The following FOXN3 variants were observed in gnomAD, a reference collection of about 807,000 sequenced individuals.
The protein encoded by FOXN3 is forkhead box N3.
FOXN3 carries 7 observed loss-of-function variants against 38.4 expected under a neutral mutation model. The observed-to-expected ratio is 0.18, with a 90% CI of 0.10 to 0.34. FOXN3 has a LOEUF of 0.34. Ranked by LOEUF, FOXN3 falls within the 10% of genes least tolerant of loss-of-function variation. The probability of loss-of-function intolerance (pLI) is 1.00; values close to 1 mark genes in which losing one functional copy is unlikely to be tolerated. For missense variants in FOXN3, 456 were observed against 613.4 expected (o/e 0.74, Z 2.71); for synonymous variants, 230 against 242.2 (o/e 0.95, Z 0.47).
At chr14:89,377,312 A>AAAAAT (rs142467882) in intron 2 of FOXN3, among the ~76,000 whole-genome samples, 2 of 149,644 alleles carry the variant, frequency 1.3e-5, no homozygotes, top group Admixed American at 6.7e-5. Flanking sequence ...ATGCTGGTAA[A>AAAAAT]AAATAAATAA....
At chr14:89,303,004 A>G (rs1404488103) in intron 3 of FOXN3, among the ~76,000 whole-genome samples, 1 of 152,082 alleles carries the variant, frequency 6.6e-6, no homozygotes, top group Non-Finnish European at 1.5e-5. Context: ...ACTCCACTTT[A>G]ATTTGTGTAT....
At chr14:89,403,804 A>C (rs1474997279) in intron 2 of FOXN3, among the ~76,000 whole-genome samples, 1 of 152,214 alleles carries the variant, frequency 6.6e-6, no homozygotes, top group African/African-American at 2.4e-5. Context: ...CAGCAGCCTC[A>C]GACAGACCCC....
chr14:89,366,741 T>C (rs1371755301), intron 2 of FOXN3, among the ~76,000 whole-genome samples: 1 of 152,142 alleles, frequency 6.6e-6, no homozygotes, highest in Non-Finnish European at 1.5e-5. Context: ...ACCTCCACTT[T>C]CTTTAAGGTG....
At chr14:89,432,090 A>G (rs146729440) in intron 1 of FOXN3, among the ~76,000 whole-genome samples, 1 of 152,356 alleles carries the variant, frequency 6.6e-6, no homozygotes, top group Admixed American at 6.5e-5. Flanking sequence ...GGAAAATCAT[A>G]AAGAACATCG....
intron 5 of FOXN3, among the ~76,000 whole-genome samples, chr14:89,170,863 G>A (rs1887371404): frequency 6.6e-6 from 1 of 151,968 alleles, no homozygotes; most frequent in Admixed American, 6.6e-5. Flanking sequence ...AAAACCTATA[G>A]AATGTAATAA....
chr14:89,400,224 A>AC (rs2140086745), intron 2 of FOXN3: 1 of 152,286 alleles, frequency 6.6e-6, no homozygotes, highest in Admixed American at 6.5e-5. Flanking sequence ...TGCTGAATAT[A>AC]CCCCAAAATG....
In FOXN3 at chr14:89,161,756, C is replaced by T. The variant is rs1887111491; in HGVS notation, c.*658G>A. On this transcript the variant is annotated 3_prime_UTR_variant, in exon 6 of 6. Coordinates refer to ENST00000557258, the MANE Select transcript of FOXN3 (RefSeq NM_005197.4). ...CGATGCGCATGAACAGTCCAACGTC[C>T]ACCTCGTAAGATGTCATCGGGCTTC... 1 of 152,394 alleles carries T rather than the reference C, an allele frequency of 6.6e-6. No homozygotes were observed. Among genetic ancestry groups the T allele is most frequent in the South Asian group, 2.1e-4 (1 of 4,826 alleles). 9.4% of individuals were successfully genotyped at this position (152,394 alleles called of 1,614,324 possible).
chr14:89,352,404 GAAGAAAGCCAAAAGCT>G (rs1307688162), intron 2 of FOXN3, among the ~76,000 whole-genome samples: 14 of 152,326 alleles, frequency 9.2e-5, no homozygotes, highest in Non-Finnish European at 1.9e-4. Context: ...GAGCTGTGCA[GAAGAAAGCCAAAAGCT>G]AAGGAGTGGA....
chr14:89,297,162 AACT>A (rs1329779863), intron 3 of FOXN3, among the ~76,000 whole-genome samples: 1 of 152,340 alleles, frequency 6.6e-6, no homozygotes, highest in East Asian at 1.9e-4. Context: ...AAAGCTAAGT[AACT>A]ATATAAGACA....
intron 4 of FOXN3, among the ~76,000 whole-genome samples, chr14:89,260,818 A>G (rs900241560): frequency 6.6e-6 from 1 of 152,226 alleles, no homozygotes; most frequent in Non-Finnish European, 1.5e-5. Flanking sequence ...ACATTACCCT[A>G]ATGACATAAA....
chr14:89,248,423 T>G (rs990764482), intron 4 of FOXN3, among the ~76,000 whole-genome samples: 10 of 152,264 alleles, frequency 6.6e-5, no homozygotes, highest in Non-Finnish European at 1.5e-4. Context: ...GACTTCATTA[T>G]TAATACTCTC....
intron 4 of FOXN3, among the ~76,000 whole-genome samples, chr14:89,271,831 C>CA (rs1886157655): frequency 6.6e-6 from 1 of 152,176 alleles, no homozygotes; most frequent in Non-Finnish European, 1.5e-5. Context: ...CCCTAGTCTG[C>CA]AAAACACTGT....
intron 2 of FOXN3, among the ~76,000 whole-genome samples, chr14:89,393,386 T>G (rs1440507816): frequency 2.6e-5 from 4 of 152,220 alleles, no homozygotes; most frequent in African/African-American, 9.6e-5. Context: ...ATTATCTTTC[T>G]GAGGGATACA....
upstream of FOXN3, chr14:89,417,814 C>T (rs1011543947): frequency 3.6e-5 from 16 of 449,294 alleles, no homozygotes; most frequent in Non-Finnish European, 6.7e-5. Flanking sequence ...CCGCAGCGTC[C>T]CACCCAGGTG....
Position 89,252,956 on chromosome 14 carries a change from G to A in FOXN3, c.745+27994C>T, listed in dbSNP as rs114020800. ...GACTGCAGGAACCAAAGTGGGAAGC[G>A]CAGTCACTTTAGAGAAAGGAGACAA... On this transcript the variant is annotated intron_variant, in intron 4 of 5. Transcript: ENST00000557258. Among the ~76,000 whole-genome samples the A allele has an allele frequency of 7.6e-3, 1,156 of 152,254 alleles. 14 individuals are homozygous for A. Among genetic ancestry groups the A allele is most frequent in the African/African-American group, 0.026 (1,095 of 41,546 alleles).
intron 1 of FOXN3, among the ~76,000 whole-genome samples, chr14:89,455,996 C>A (rs1280437550): frequency 6.6e-6 from 1 of 151,612 alleles, no homozygotes; most frequent in Non-Finnish European, 1.5e-5. Context: ...GAGTTTGAGA[C>A]CAGCCTGACC....
At chr14:89,510,780 A>G (rs1894040753) in intron 1 of FOXN3, among the ~76,000 whole-genome samples, 1 of 152,140 alleles carries the variant, frequency 6.6e-6, no homozygotes, top group African/African-American at 2.4e-5. Context: ...CGGCCCTACT[A>G]AAAATACAAA....
chr14:89,407,992 G>A (rs751737651), intron 2 of FOXN3, among the ~76,000 whole-genome samples: 13 of 152,132 alleles, frequency 8.5e-5, no homozygotes, highest in Non-Finnish European at 1.3e-4. Flanking sequence ...GAAAATTTCC[G>A]TGATTCAAAA....
At position 89,302,842 on chromosome 14, in the gene FOXN3, C is replaced by T. The variant is rs1275234357; in HGVS notation, c.681-21828G>A. Among the ~76,000 whole-genome samples the T allele has an allele frequency of 2.0e-5, 3 of 152,194 alleles. No individual in the cohort carries two copies. The East Asian group carries it at 5.8e-4, about 29-fold the overall frequency. Reference sequence around the variant, plus strand: ...TGCCCACCTCCGCCCTCTTCAAAGGCATTGTTCAAAGGAGTCACAGGCCAC... The same window carrying T: ...TGCCCACCTCCGCCCTCTTCAAAGGTATTGTTCAAAGGAGTCACAGGCCAC... On this transcript the variant is annotated intron_variant, in intron 3 of 5. Transcript: ENST00000557258.
Sources: gnomAD v4.1 joint callset for allele counts (sites outside exome capture counted in the v4.1 genomes callset) on GRCh38, gnomAD v4.1.1 for gene constraint, MANE v1.5 for transcripts, NCBI Gene and HGNC (gene_info 2026-07-23, HGNC 2026-07-21) for gene names.